The following TLCD4 variants were observed in gnomAD, a reference collection of about 807,000 sequenced individuals.
TLCD4 encodes TLC domain-containing protein 4.
Under a neutral mutation model 24.2 loss-of-function variants are expected in TLCD4, and 7 were observed. That is an observed-to-expected ratio of 0.29 (90% CI 0.16 to 0.54). The LOEUF is 0.54. TLCD4 is among the 20% of genes least tolerant of loss of function. The pLI, the probability that TLCD4 is intolerant of heterozygous loss-of-function variation, is 0.95. For synonymous variants in TLCD4, 103 were observed against 106.4 expected (o/e 0.97, Z 0.20); for missense variants, 259 against 313.9 (o/e 0.82, Z 1.32).
rs568713771 is a variant in TLCD4, at chr1:95,196,056, A to G, written c.*4188A>G. ...TAGTAAAGTTTAAAGTGGAGCTCAG[A>G]CAAATCATGACTTATTAAGAGACTA... On this transcript the variant is annotated 3_prime_UTR_variant, in exon 7 of 7. Coordinates refer to ENST00000370203, the MANE Select transcript of TLCD4 (RefSeq NM_152487.3). The G allele has an allele frequency of 1.3e-5, 2 of 152,230 alleles. No individual in the cohort carries two copies. The highest frequency in any genetic ancestry group is 2.9e-5 in the Non-Finnish European group (2 of 68,032). 9.4% of individuals were successfully genotyped at this position (152,230 alleles called of 1,614,324 possible). A position where few individuals can be genotyped will look rare whatever the true frequency, so the allele number is the denominator to read the frequency against.
At chr1:95,109,848 T>C in the TLCD4 span, among the ~76,000 whole-genome samples, 20 of 149,538 alleles carry the variant, frequency 1.3e-4, no homozygotes, top group South Asian at 1.3e-3. Context: ...TATGTCTTTT[T>C]CTTCTTTTAT....
Position 95,195,334 on chromosome 1 carries a change from CTG to C in TLCD4, c.*3470_*3471del, listed in dbSNP as rs1679160640. The C allele has an allele frequency of 6.6e-6, 1 of 152,128 alleles. No homozygotes were observed. The highest frequency in any genetic ancestry group is 2.1e-4 in the South Asian group (1 of 4,818). The allele number at this position is 152,128 out of a possible 1,614,324, so 9.4% of individuals were successfully genotyped here. On this transcript the variant is annotated 3_prime_UTR_variant, in exon 7 of 7. Transcript: ENST00000370203. ...TGTTGTTACAGTGTACATGTTTCCTCTGTGTCGTTTTTAAGGGAAATAAACAT... is the reference window on the plus strand; with the variant it reads ...TGTTGTTACAGTGTACATGTTTCCTCTGTCGTTTTTAAGGGAAATAAACAT...
At chr1:95,117,964 A>G (rs1676475354) in intron 1 of TLCD4, 1 of 152,122 alleles carries the variant, frequency 6.6e-6, no homozygotes, top group Admixed American at 6.5e-5. Flanking sequence ...GGGCTGCACG[A>G]TTCCGGCTGC....
chr1:95,132,823 G>C (rs915138221), intron 1 of TLCD4, among the ~76,000 whole-genome samples: 1 of 152,130 alleles, frequency 6.6e-6, no homozygotes, highest in Non-Finnish European at 1.5e-5. Flanking sequence ...GAGGAAGTGT[G>C]GTGTTATGGA....
At chr1:95,172,134 G>C (rs1678252327) in intron 5 of TLCD4, among the ~76,000 whole-genome samples, 3 of 152,150 alleles carry the variant, frequency 2.0e-5, no homozygotes, top group African/African-American at 7.2e-5. Flanking sequence ...TCTAGCTTCC[G>C]TAACTGTGAG....
intron 1 of TLCD4, among the ~76,000 whole-genome samples, chr1:95,131,435 G>T (rs1676887514): frequency 1.3e-5 from 2 of 152,212 alleles, no homozygotes. Flanking sequence ...GAGGGCAGGT[G>T]CCAACTGAGG....
chr1:95,141,286 G>A (rs1330364090), intron 1 of TLCD4, among the ~76,000 whole-genome samples: 2 of 151,996 alleles, frequency 1.3e-5, no homozygotes, highest in African/African-American at 4.8e-5. Context: ...AAATACAGTA[G>A]TTAAATGAAC....
chr1:95,154,601 T>A (rs1677582518), intron 5 of TLCD4, among the ~76,000 whole-genome samples: 1 of 152,048 alleles, frequency 6.6e-6, no homozygotes, highest in South Asian at 2.1e-4. Flanking sequence ...GGTCTCTATC[T>A]TTGTAACATT....
chr1:95,127,746 G>A (rs1676778602), intron 1 of TLCD4, among the ~76,000 whole-genome samples: 2 of 152,308 alleles, frequency 1.3e-5, no homozygotes, highest in South Asian at 2.1e-4. Flanking sequence ...CTTCTTCCAA[G>A]GCTGGAGTCC....
Position 95,129,627 on chromosome 1 carries a change from A to G in TLCD4, c.-12+12010A>G, listed in dbSNP as rs140894253. Among the ~76,000 whole-genome samples the G allele has an allele frequency of 8.5e-3, 1,296 of 152,318 alleles. 9 individuals are homozygous for G. The highest frequency in any genetic ancestry group is 0.013 in the Non-Finnish European group (871 of 68,022). ...TATGGTGGTGGGCACCTGTAATCCCAGCTACTCAGGAGGCTGAGACACGAG... is the reference window on the plus strand; with the variant it reads ...TATGGTGGTGGGCACCTGTAATCCCGGCTACTCAGGAGGCTGAGACACGAG... On this transcript the variant is annotated intron_variant, in intron 1 of 6. Transcript: ENST00000370203.
intron 1 of TLCD4, chr1:95,118,233 A>G (rs1676483230): frequency 6.6e-6 from 1 of 152,130 alleles, no homozygotes; most frequent in African/African-American, 2.4e-5. Context: ...GGAGGGAGAA[A>G]TTGGTTTCTA....
At chr1:95,101,639 G>C in the TLCD4 span, among the ~76,000 whole-genome samples, 2 of 152,078 alleles carry the variant, frequency 1.3e-5, no homozygotes, top group Non-Finnish European at 2.9e-5. Context: ...GTTTGTTTTT[G>C]TCTTTTTAAC....
intron 1 of TLCD4, among the ~76,000 whole-genome samples, chr1:95,135,193 C>A (rs1457580913): frequency 1.3e-5 from 2 of 152,192 alleles, no homozygotes; most frequent in East Asian, 3.9e-4. Context: ...CAATTTTAGA[C>A]CCCAAATCTT....
intron 2 of TLCD4, 62 bp downstream of exon 2, chr1:95,144,118 A>G: frequency 7.8e-7 from 1 of 1,284,006 alleles, no homozygotes. Context: ...AATTATTTAA[A>G]ATATTTCAAA....
In TLCD4 at chr1:95,195,398, C is replaced by T. The variant is rs560013286; in HGVS notation, c.*3530C>T. On this transcript the variant is annotated 3_prime_UTR_variant, in exon 7 of 7. Transcript: ENST00000370203. ...TGCTGTTAAAATAAATATTTGAACA[C>T]GTTTTCTGTTTCTAGGTTGCTCTTA... 1 of 152,212 alleles carries T rather than the reference C, an allele frequency of 6.6e-6. No homozygotes were observed. Among genetic ancestry groups the T allele is most frequent in the African/African-American group, 2.4e-5 (1 of 41,540 alleles). 9.4% of individuals were successfully genotyped at this position (152,212 alleles called of 1,614,324 possible).
At chr1:95,148,659 G>A (rs76921353) in intron 2 of TLCD4, 43 bp from the exon 3 acceptor site, 270,180 of 1,607,664 alleles carry the variant, frequency 0.17, 23,534 homozygotes, top group Non-Finnish European at 0.18. Flanking sequence ...AAATTTTATT[G>A]CAAAGAATCT....
intron 5 of TLCD4, among the ~76,000 whole-genome samples, chr1:95,156,010 C>T (rs752174629): frequency 6.6e-6 from 1 of 151,632 alleles, no homozygotes; most frequent in Non-Finnish European, 1.5e-5. Context: ...GTTAATTTTT[C>T]TTCTGAATAT....
At position 95,150,220 on chromosome 1, in the gene TLCD4, A is replaced by G. The variant is rs888473733; in HGVS notation, c.258A>G (p.Ser86=). The change falls in exon 4 of 7, where the codon TCA becomes TCG. Residue 86 remains serine, a synonymous_variant. Transcript: ENST00000370203. ...TKADPLWGGP[S]LANVNIAIAS... is the part of the protein sequence containing the mutation. ...TTTTTTTTTTCAGGGGTGGTCCATC[A>G]CTTGCAAACGTGAATATTGCTATTG... The G allele has an allele frequency of 1.9e-6, 3 of 1,608,016 alleles. No individual in the cohort carries two copies. The African/African-American group carries it at 4.0e-5, about 22-fold the overall frequency.
At chr1:95,173,957 T>A in intron 6 of TLCD4, 68 bp downstream of exon 6, 1 of 1,589,984 alleles carries the variant, frequency 6.3e-7, no homozygotes, top group Non-Finnish European at 8.6e-7. Flanking sequence ...CAAATCCTTT[T>A]CCCGTGATCC....
Sources: allele counts gnomAD v4.1 joint callset (sites outside exome capture counted in the v4.1 genomes callset), GRCh38; gene constraint gnomAD v4.1.1; transcripts MANE v1.5; gene names NCBI Gene and HGNC (gene_info 2026-07-23, HGNC 2026-07-21).